PLD1: variants seen among roughly 807,000 people sequenced by gnomAD.
PLD1 encodes choline phosphatase 1.
PLD1 carries 112 observed loss-of-function variants against 137.1 expected under a neutral mutation model. The observed-to-expected ratio is 0.82, with a 90% CI of 0.70 to 0.96. The LOEUF is 0.96. Ranked by LOEUF, PLD1 falls within the 40% of genes least tolerant of loss-of-function variation. PLD1 has a pLI of 0.00. For synonymous variants in PLD1, 431 were observed against 454.7 expected, an observed-to-expected ratio of 0.95 and a Z score of 0.66; for missense variants, 1,321 against 1,342.0, an observed-to-expected ratio of 0.98 and a Z score of 0.24.
chr3:171,694,092 A>T (rs923891712), intron 12 of PLD1, among the ~76,000 whole-genome samples: 4 of 152,220 alleles, frequency 2.6e-5, no homozygotes, highest in African/African-American at 9.6e-5. Context: ...ATAACACAAC[A>T]CTTCAAAATA....
At chr3:171,650,532 G>C (rs1339373110) in intron 21 of PLD1, among the ~76,000 whole-genome samples, 1 of 152,146 alleles carries the variant, frequency 6.6e-6, no homozygotes, top group Non-Finnish European at 1.5e-5. Flanking sequence ...TCAAGGACGG[G>C]ATGTGGAGGG....
rs1306800249 is a variant in PLD1 at position 171,605,300 on chromosome 3, T to G, written c.2999A>C (p.Lys1000Thr). Residue 1000 changes from lysine (K) to threonine (T), a missense_variant and splice_region_variant, in exon 26 of 27, where the codon AAG becomes ACG. Transcript: ENST00000351298. Reference sequence around the variant, plus strand: ...AGGAGGGGAATACGTGAACTTCACCTTGTCATAAATTGTAGCATTTCGAGC... The same window carrying G: ...AGGAGGGGAATACGTGAACTTCACCGTGTCATAAATTGTAGCATTTCGAGC... Reference protein sequence around the residue: ...TAARNATIYDKVFRCLPNDEV... With the variant: ...TAARNATIYDTVFRCLPNDEV... The G allele has an allele frequency of 3.8e-6, 6 of 1,559,500 alleles. No homozygotes were observed. The highest frequency in any genetic ancestry group is 4.4e-6 in the Non-Finnish European group (5 of 1,130,282).
At chr3:171,605,970 T>C (rs569129379) in intron 25 of PLD1, among the ~76,000 whole-genome samples, 2 of 152,228 alleles carry the variant, frequency 1.3e-5, no homozygotes, top group Admixed American at 6.5e-5. Context: ...TAGACATCAG[T>C]GCAGAGGAGT....
At chr3:171,610,188 AT>A (rs942582341) in intron 25 of PLD1, among the ~76,000 whole-genome samples, 5 of 152,134 alleles carry the variant, frequency 3.3e-5, no homozygotes, top group Non-Finnish European at 7.4e-5. Flanking sequence ...AAACATACCC[AT>A]TTTTTTATAT....
Position 171,700,116 on chromosome 3 carries a change from G to T in PLD1, c.1146-290C>A, listed in dbSNP as rs1370814487. 3.4e-5 allele frequency among the ~76,000 whole-genome samples: 5 copies of T among 148,936 alleles called. No homozygotes were observed. In the East Asian group the frequency reaches 7.9e-4, roughly 24 times the overall value. ...CATATGCACACAGGTACTGTTGGTTGCCCACCCACAGCCAATCTCCAACTT... is the reference window on the plus strand; with the variant it reads ...CATATGCACACAGGTACTGTTGGTTTCCCACCCACAGCCAATCTCCAACTT... On this transcript the variant is annotated intron_variant, in intron 11 of 26. Coordinates refer to ENST00000351298, the MANE Select transcript of PLD1 (RefSeq NM_002662.5).
chr3:171,603,297 G>A lies in PLD1; in HGVS notation c.3006C>T (p.Phe1002=). The change falls in exon 27 of 27, where the codon TTC becomes TTT. Residue 1002 remains phenylalanine (F), a synonymous_variant. Transcript: ENST00000351298. Reference sequence around the variant, plus strand: ...GTACTTCATCATTGGGAAGGCACCGGAAAACCTGATTAGAGCATAAATAGA... The same window carrying A: ...GTACTTCATCATTGGGAAGGCACCGAAAAACCTGATTAGAGCATAAATAGA... ...ARNATIYDKV[F]RCLPNDEVHN... is the part of the protein sequence containing the mutation. 1.2e-6 allele frequency: 2 copies of A among 1,612,334 alleles called. No individual in the cohort carries two copies. Among genetic ancestry groups the A allele is most frequent in the Middle Eastern group, 1.7e-4 (1 of 6,054 alleles).
intron 8 of PLD1, 68 bp downstream of exon 8, chr3:171,724,628 T>G (rs1195449558): frequency 6.0e-6 from 5 of 837,552 alleles, no homozygotes; most frequent in Non-Finnish European, 1.0e-5. Flanking sequence ...TTAAAACTGG[T>G]ATGTAAAACT....
chr3:171,669,995 G>A (rs1289467030), intron 19 of PLD1, among the ~76,000 whole-genome samples: 1 of 152,072 alleles, frequency 6.6e-6, no homozygotes, highest in Non-Finnish European at 1.5e-5. Flanking sequence ...ATAAGCTTGT[G>A]GCTTCTAAGT....
rs777338090 is a variant in PLD1 at position 171,709,657 on chromosome 3, C to G, written c.964G>C (p.Ala322Pro). The G allele has an allele frequency of 7.4e-6, 12 of 1,613,876 alleles. No individual in the cohort carries two copies. The highest frequency in any genetic ancestry group is 9.3e-6 in the Non-Finnish European group (11 of 1,179,806). Residue 322 changes from alanine (A) to proline (P), a missense_variant, in exon 10 of 27, where the codon GCT becomes CCT. By Grantham distance (27) the Ala-to-Pro change is conservative. Transcript: ENST00000351298. ...SYRHARWWGG[A>P]IEEFIQKHGT... ...TGTTTCTGGATGAATTCTTCTATAG[C>G]CCCTCCCCACCACCGAGCATGTCTA...
rs752212799 is a variant in PLD1, at chr3:171,692,388, C to A, written c.1282G>T (p.Gly428Cys). The change falls in exon 13 of 27, where the codon GGC (glycine) becomes TGC (cysteine). Residue 428 changes from glycine (G) to cysteine (C), a missense_variant. By Grantham distance (159) the Gly-to-Cys change is radical (BLOSUM62 -3). Transcript: ENST00000351298. ...MLYKEVELAL[G>C]INSEYTKRTL... ...CTCTTGGTGTATTCACTATTGATGC[C>A]AAGAGCGAGTTCCACCTCTTTGTAG... is the stretch of plus-strand genomic sequence containing the variant. The A allele has an allele frequency of 3.5e-5, 57 of 1,607,326 alleles. 2 individuals carry two copies. In the South Asian group the frequency reaches 6.2e-4, roughly 17 times the overall value.
At chr3:171,809,572 G>T (rs1360215397) in intron 1 of PLD1, 1 of 152,240 alleles carries the variant, frequency 6.6e-6, no homozygotes, top group Non-Finnish European at 1.5e-5. Context: ...AACTGTTGTG[G>T]TCTGTTCTTA....
At chr3:171,711,449 G>C (rs987099629) in intron 9 of PLD1, among the ~76,000 whole-genome samples, 1 of 151,890 alleles carries the variant, frequency 6.6e-6, no homozygotes, top group Non-Finnish European at 1.5e-5. Context: ...GATTATAGGC[G>C]TGAGCCACCG....
intron 8 of PLD1, among the ~76,000 whole-genome samples, chr3:171,722,380 T>G (rs1718194494): frequency 6.6e-6 from 1 of 152,206 alleles, no homozygotes; most frequent in Non-Finnish European, 1.5e-5. Flanking sequence ...TGATTTTTGG[T>G]ATATTCACAA....
At position 171,683,049 on chromosome 3, in the gene PLD1, C is replaced by T. The variant is rs141363776; in HGVS notation, c.1867+3636G>A. On this transcript the variant is annotated intron_variant, in intron 16 of 26. Coordinates refer to ENST00000351298, the MANE Select transcript of PLD1 (RefSeq NM_002662.5). The stretch of plus-strand genomic sequence containing the variant: ...GAATGTCCTTTGTCAGCTGCCTTCA[C>T]GAACATATTTTGATACAGTGGCAAT... Among the ~76,000 whole-genome samples the T allele has an allele frequency of 5.3e-5, 8 of 152,306 alleles. No homozygotes were observed. In the East Asian group the frequency reaches 9.6e-4, roughly 18 times the overall value.
At chr3:171,626,005 T>C (rs779978127) in intron 23 of PLD1, among the ~76,000 whole-genome samples, 27 of 152,208 alleles carry the variant, frequency 1.8e-4, no homozygotes, top group Non-Finnish European at 3.5e-4. Flanking sequence ...GGACGGAGAA[T>C]GACTTTGACG....
intron 16 of PLD1, among the ~76,000 whole-genome samples, chr3:171,680,963 C>T (rs1713913018): frequency 6.6e-6 from 1 of 152,188 alleles, no homozygotes; most frequent in Non-Finnish European, 1.5e-5. Flanking sequence ...TTAATTGCTC[C>T]CTGCCCCTAG....
chr3:171,722,624 A>G (rs1165252169), intron 8 of PLD1, among the ~76,000 whole-genome samples: 1 of 152,180 alleles, frequency 6.6e-6, no homozygotes, highest in Non-Finnish European at 1.5e-5. Flanking sequence ...TTCAAGGTTC[A>G]TCCACATTGT....
At chr3:171,637,963 G>A (rs1323298479) in intron 23 of PLD1, among the ~76,000 whole-genome samples, 3 of 151,948 alleles carry the variant, frequency 2.0e-5, no homozygotes, top group African/African-American at 7.3e-5. Flanking sequence ...GGTGGATCAC[G>A]AGGTCAGGAG....
intron 25 of PLD1, among the ~76,000 whole-genome samples, chr3:171,609,515 C>CAA (rs1732481933): frequency 1.5e-5 from 2 of 130,214 alleles, no homozygotes; most frequent in South Asian, 4.5e-4. Flanking sequence ...AAAACACACA[C>CAA]ACACACACAC....
Sources: gnomAD v4.1 joint callset for allele counts (sites outside exome capture counted in the v4.1 genomes callset) on GRCh38, gnomAD v4.1.1 for gene constraint, MANE v1.5 for transcripts, NCBI Gene and HGNC (gene_info 2026-07-23, HGNC 2026-07-21) for gene names.